PLEKHG6: variants seen among roughly 807,000 people sequenced by gnomAD.
PLEKHG6 encodes the protein pleckstrin homology and RhoGEF domain containing G6.
A neutral mutation model predicts 97.5 loss-of-function variants in PLEKHG6; 91 were observed. The ratio of observed to expected loss-of-function variants is 0.93; its 90% CI spans 0.79 to 1.11. The LOEUF (loss-of-function observed/expected upper bound fraction) is 1.11, where lower values mean the gene tolerates loss of function less well. Among genes scored for constraint, PLEKHG6 ranks in the 50% most tolerant of loss-of-function variants. The pLI is 0.00. For synonymous variants in PLEKHG6, 466 were observed against 425.5 expected (o/e 1.10, Z -1.17); for missense variants, 1,044 against 1,031.0 (o/e 1.01, Z -0.17).
At position 6,313,763 on chromosome 12, in the gene PLEKHG6, G is replaced by A; in HGVS notation, c.273G>A (p.Leu91=). Residue 91 remains leucine, a synonymous_variant, in exon 3 of 16, where the codon CTG becomes CTA. Transcript: ENST00000684764. ...KRHGGHVGAG[L]LHSPKLKELT... is the part of the protein sequence containing the mutation. ...ACGGGGGCCATGTGGGGGCTGGCCTGCTTCACTCCCCCAAACTCAAGGTAA... is the reference window on the plus strand; with the variant it reads ...ACGGGGGCCATGTGGGGGCTGGCCTACTTCACTCCCCCAAACTCAAGGTAA... 6.3e-7 allele frequency: 1 copy of A among 1,594,104 alleles called. No homozygotes were observed. Among genetic ancestry groups the A allele is most frequent in the Non-Finnish European group, 8.5e-7 (1 of 1,170,256 alleles).
rs200291576 is a variant in PLEKHG6 at position 6,313,751 on chromosome 12, G to C, written c.261G>C (p.Val87=). 1.9e-6 allele frequency: 3 copies of C among 1,606,224 alleles called. No individual in the cohort carries two copies. Among genetic ancestry groups the C allele is most frequent in the East Asian group, 2.2e-5 (1 of 44,764 alleles). ...CCGAGAAGAGGCACGGGGGCCATGT[G>C]GGGGCTGGCCTGCTTCACTCCCCCA... The part of the protein sequence containing the change: ...PEPEKRHGGH[V]GAGLLHSPKL... The change falls in exon 3 of 16, where the codon GTG becomes GTC. Residue 87 remains valine (V), a synonymous_variant. Transcript: ENST00000684764.
rs761130148 is a variant in PLEKHG6, at chr12:6,327,424, G to A, written c.1841G>A (p.Arg614Gln). Residue 614 changes from arginine (R) to glutamine (Q), a missense_variant, in exon 15 of 16, where the codon CGG (arginine) becomes CAG (glutamine). By Grantham distance (43) the Arg-to-Gln change is conservative. Coordinates refer to ENST00000684764, the MANE Select transcript of PLEKHG6 (RefSeq NM_001384598.1). ...PLSRLRQRALRRDPRLTFSTL... is the reference protein window; with the variant it reads ...PLSRLRQRALQRDPRLTFSTL... ...AGCCGTCTACGCCAAAGAGCCCTTC[G>A]GCGGGACCCTCGCCTCACCTTCTCC... 1.8e-5 allele frequency: 29 copies of A among 1,613,882 alleles called. No homozygotes were observed. The highest frequency in any genetic ancestry group is 5.5e-5 in the South Asian group (5 of 91,080).
intron 15 of PLEKHG6, 58 bp from the exon 16 acceptor site, chr12:6,328,078 A>C: frequency 6.2e-7 from 1 of 1,611,326 alleles, no homozygotes; most frequent in African/African-American, 1.3e-5. Flanking sequence ...CTCACTCTTC[A>C]CCTGACCCTC....
At position 6,317,852 on chromosome 12, in the gene PLEKHG6, C is replaced by A; in HGVS notation, c.1018-5C>A. 6.4e-7 allele frequency: 1 copy of A among 1,551,400 alleles called. No homozygotes were observed. The highest frequency in any genetic ancestry group is 8.7e-7 in the Non-Finnish European group (1 of 1,146,454). On this transcript the variant is annotated splice_polypyrimidine_tract_variant and splice_region_variant and intron_variant, in intron 9 of 15. Coordinates refer to ENST00000684764, the MANE Select transcript of PLEKHG6 (RefSeq NM_001384598.1). Reference sequence around the variant, plus strand: ...CCCTCCTCCCACACCCCCAACCCCACCTAGATTGAAGCCGTGGAGTCATTC... The same window carrying A: ...CCCTCCTCCCACACCCCCAACCCCAACTAGATTGAAGCCGTGGAGTCATTC...
intron 2 of PLEKHG6, chr12:6,313,097 G>C: frequency 6.5e-7 from 1 of 1,534,380 alleles, no homozygotes; most frequent in Middle Eastern, 1.7e-4. Context: ...GGAGCTGTGT[G>C]GCTGTGGCTT....
At position 6,315,100 on chromosome 12, in the gene PLEKHG6, G is replaced by A. The variant is rs1266860300; in HGVS notation, c.390G>A (p.Glu130=). ...CCCCTGAGGACCGGCGGCACTGGGA[G>A]ATAGGAGAGGGTGGCGACAGTGGCC... ...RLPPEDRRHW[E]IGEGGDSGLT... is the part of the protein sequence containing the mutation. Residue 130 remains glutamate, a synonymous_variant, in exon 4 of 16, where the codon GAG becomes GAA. Coordinates refer to ENST00000684764, the MANE Select transcript of PLEKHG6 (RefSeq NM_001384598.1). The surrounding 1 kb of genome is among the most constrained non-coding windows in gnomAD (Gnocchi z 4.5). 6.2e-7 allele frequency: 1 copy of A among 1,613,374 alleles called. No homozygotes were observed. Among genetic ancestry groups the A allele is most frequent in the African/African-American group, 1.3e-5 (1 of 75,058 alleles).
chr12:6,324,580 G>A (rs966209598), intron 13 of PLEKHG6, among the ~76,000 whole-genome samples: 3 of 152,112 alleles, frequency 2.0e-5, no homozygotes, highest in Non-Finnish European at 4.4e-5. Flanking sequence ...GAAAGAGGGA[G>A]TCCTGCCCCA....
At chr12:6,317,473 G>C in intron 8 of PLEKHG6, 60 bp downstream of exon 8, 1 of 1,611,474 alleles carries the variant, frequency 6.2e-7, no homozygotes, top group Non-Finnish European at 8.5e-7. Flanking sequence ...GTCTCCAGCT[G>C]AGCCTGAGGC....
At chr12:6,321,697 G>C (rs1424230334) in intron 13 of PLEKHG6, among the ~76,000 whole-genome samples, 1 of 151,744 alleles carries the variant, frequency 6.6e-6, no homozygotes, top group Non-Finnish European at 1.5e-5. Context: ...CGCGGTGGCG[G>C]GCACCTGTAG....
At chr12:6,328,044 G>A (rs756403731) in intron 15 of PLEKHG6, 92 bp from the exon 16 acceptor site, 17 of 1,584,438 alleles carry the variant, frequency 1.1e-5, no homozygotes, top group Non-Finnish European at 1.4e-5. Context: ...AGGAACAGGG[G>A]CTGAGGCAGG....
chr12:6,320,484 G>A (rs1257941692), intron 13 of PLEKHG6, among the ~76,000 whole-genome samples: 4 of 152,050 alleles, frequency 2.6e-5, no homozygotes, highest in African/African-American at 7.2e-5. Context: ...CAGGCGTTCC[G>A]TGGCTTGTGG....
chr12:6,314,838 G>C (rs1947396727), intron 3 of PLEKHG6, among the ~76,000 whole-genome samples, 167 bp from the exon 4 acceptor site: 1 of 152,104 alleles, frequency 6.6e-6, no homozygotes, highest in Non-Finnish European at 1.5e-5. Flanking sequence ...CTGTTCTCTA[G>C]GCCTCCATGT....
Position 6,327,466 on chromosome 12 carries a change from ACATC to A in PLEKHG6, c.1885_1888del (p.Ile629LeufsTer25), listed in dbSNP as rs1247351812. 6.2e-7 allele frequency: 1 copy of A among 1,612,408 alleles called. No homozygotes were observed. Among genetic ancestry groups the A allele is most frequent in the East Asian group, 2.2e-5 (1 of 44,842 alleles). Reference sequence around the variant, plus strand: ...ACCTTCTCCACCCTGGAACTCCGGGACATCCCTCTGCGTCCCCACCCTCCCGACC... The same window carrying A: ...ACCTTCTCCACCCTGGAACTCCGGGACCTCTGCGTCCCCACCCTCCCGACC... On this transcript the variant is annotated frameshift_variant, in exon 15 of 16. Transcript: ENST00000684764. LOFTEE classifies it high-confidence loss of function.
At chr12:6,326,335 A>C in intron 13 of PLEKHG6, 93 bp from the exon 14 acceptor site, 1 of 709,938 alleles carries the variant, frequency 1.4e-6, no homozygotes, top group Non-Finnish European at 2.3e-6. Flanking sequence ...AAATAAAATA[A>C]GGTAATATAT....
At chr12:6,318,971 G>A in intron 12 of PLEKHG6, 22 bp from the exon 13 acceptor site, 1 of 1,612,498 alleles carries the variant, frequency 6.2e-7, no homozygotes, top group Non-Finnish European at 8.5e-7. Context: ...CTGGCCTCTT[G>A]AAGGTTGTCT....
At chr12:6,318,154 A>C in intron 10 of PLEKHG6, 147 bp from the exon 11 acceptor site, 1 of 1,408,184 alleles carries the variant, frequency 7.1e-7, no homozygotes, top group East Asian at 2.4e-5. Flanking sequence ...TCAGAAGAGC[A>C]AAAAGGAGGC....
intron 13 of PLEKHG6, among the ~76,000 whole-genome samples, chr12:6,323,588 AAC>A (rs1409333915): frequency 6.6e-6 from 1 of 152,250 alleles, no homozygotes; most frequent in Non-Finnish European, 1.5e-5. Context: ...GAGGAAAAGG[AAC>A]AGAGACAGGA....
chr12:6,324,150 GTC>G (rs1249799716), intron 13 of PLEKHG6, among the ~76,000 whole-genome samples: 5 of 152,048 alleles, frequency 3.3e-5, no homozygotes, highest in African/African-American at 1.2e-4. Flanking sequence ...GCCCCCATGT[GTC>G]TCTCCTCTTA....
chr12:6,313,836 G>A, intron 3 of PLEKHG6, 52 bp downstream of exon 3: 1 of 1,484,994 alleles, frequency 6.7e-7, no homozygotes, highest in Non-Finnish European at 9.0e-7. Context: ...CAATTGTGAT[G>A]GCTCCGCAGA....
Sources: allele counts gnomAD v4.1 joint callset (sites outside exome capture counted in the v4.1 genomes callset), GRCh38; gene constraint gnomAD v4.1.1; non-coding constraint Gnocchi (gnomAD v3.1); transcripts MANE v1.5; gene names NCBI Gene and HGNC (gene_info 2026-07-23, HGNC 2026-07-21).